The following TMEM232 variants were observed in gnomAD, a reference collection of about 807,000 sequenced individuals.
The protein encoded by TMEM232 is transmembrane protein 232.
TMEM232 carries 80 observed loss-of-function variants against 78.8 expected under a neutral mutation model. The observed-to-expected ratio is 1.01, with a 90% confidence interval of 0.85 to 1.22. TMEM232 has a LOEUF of 1.22. Among genes scored for constraint, TMEM232 ranks in the 50% most tolerant of loss-of-function variants. The pLI, the probability that TMEM232 is intolerant of heterozygous loss-of-function variation, is 0.00. For synonymous variants in TMEM232, 297 were observed against 254.3 expected (o/e 1.17, Z -1.60); for missense variants, 881 against 742.2 (o/e 1.19, Z -2.17).
chr5:110,446,103 T>A (rs1759617616), intron 12 of TMEM232, among the ~76,000 whole-genome samples: 1 of 152,126 alleles, frequency 6.6e-6, no homozygotes, highest in Non-Finnish European at 1.5e-5. Context: ...CTCTCTAATG[T>A]CAGTATCTAT....
At chr5:110,495,542 C>A (rs981472208) in intron 12 of TMEM232, among the ~76,000 whole-genome samples, 1 of 151,800 alleles carries the variant, frequency 6.6e-6, no homozygotes, top group African/African-American at 2.4e-5. Flanking sequence ...CCCAAATGTC[C>A]TATTTTGTAC....
chr5:110,682,127 A>G (rs1482772669), intron 1 of TMEM232, among the ~76,000 whole-genome samples: 1 of 152,200 alleles, frequency 6.6e-6, no homozygotes, highest in Non-Finnish European at 1.5e-5. Flanking sequence ...CTTTTACATC[A>G]CTGTCAAGAA....
intron 3 of TMEM232, chr5:110,390,700 T>C (rs1755142311): frequency 6.6e-6 from 1 of 152,204 alleles, no homozygotes; most frequent in Admixed American, 6.5e-5. Context: ...TGCTTTTGTA[T>C]AACATGAACA....
At chr5:110,426,660 A>G (rs2112648773) in intron 12 of TMEM232, among the ~76,000 whole-genome samples, 1 of 152,166 alleles carries the variant, frequency 6.6e-6, no homozygotes, top group African/African-American at 2.4e-5. Context: ...ATTCAGAAAC[A>G]TTGTGTGGGA....
At chr5:110,680,064 T>C (rs1792524747) in intron 1 of TMEM232, among the ~76,000 whole-genome samples, 1 of 152,012 alleles carries the variant, frequency 6.6e-6, no homozygotes. Flanking sequence ...CAGGAATGTG[T>C]GTTTGTCCTG....
At chr5:110,611,891 T>C (rs1341393522) in intron 8 of TMEM232, among the ~76,000 whole-genome samples, 1 of 152,114 alleles carries the variant, frequency 6.6e-6, no homozygotes, top group African/African-American at 2.4e-5. Flanking sequence ...GTGTAATTAA[T>C]GTACATACAA....
chr5:110,602,778 C>A (rs948056854), intron 10 of TMEM232, among the ~76,000 whole-genome samples: 2 of 152,118 alleles, frequency 1.3e-5, no homozygotes, highest in African/African-American at 4.8e-5. Context: ...TTTGACCCAG[C>A]AATTACATTA....
At chr5:110,438,415 C>A (rs535562139) in intron 12 of TMEM232, among the ~76,000 whole-genome samples, 2 of 151,818 alleles carry the variant, frequency 1.3e-5, no homozygotes, top group African/African-American at 4.8e-5. Context: ...AATTACCTCT[C>A]CATTCTCATG....
intron 11 of TMEM232, among the ~76,000 whole-genome samples, chr5:110,563,548 G>A (rs958933830): frequency 2.0e-5 from 3 of 151,814 alleles, no homozygotes; most frequent in African/African-American, 7.3e-5. Flanking sequence ...ATAAGGTTGG[G>A]TGAGGTGACT....
chr5:110,586,383 G>A (rs1778819830), intron 10 of TMEM232, among the ~76,000 whole-genome samples: 1 of 151,786 alleles, frequency 6.6e-6, no homozygotes, highest in African/African-American at 2.4e-5. Flanking sequence ...TTTTCTCCTA[G>A]TTATTTTAAA....
At chr5:110,501,900 G>A (rs1400440687) in intron 12 of TMEM232, among the ~76,000 whole-genome samples, 2 of 152,128 alleles carry the variant, frequency 1.3e-5, no homozygotes, top group Admixed American at 1.3e-4. Flanking sequence ...ATCTTGTAGG[G>A]AAGTGAAATG....
At chr5:110,730,720 T>C (rs975392023), upstream of TMEM232, among the ~76,000 whole-genome samples, 3 of 152,158 alleles carry the variant, frequency 2.0e-5, no homozygotes, top group African/African-American at 7.2e-5. Flanking sequence ...CAGGAAAGAC[T>C]GGCCCCCATG....
At chr5:110,652,570 A>T (rs1329547892) in intron 2 of TMEM232, among the ~76,000 whole-genome samples, 1 of 152,188 alleles carries the variant, frequency 6.6e-6, no homozygotes, top group Non-Finnish European at 1.5e-5. Context: ...ATGGAAAGCT[A>T]ATTATTTTTA....
intron 12 of TMEM232, among the ~76,000 whole-genome samples, chr5:110,512,479 T>C (rs768027102): frequency 1.3e-4 from 20 of 152,082 alleles, no homozygotes; most frequent in Non-Finnish European, 2.8e-4. Context: ...ATTCAATTAA[T>C]GCTTACTGAA....
intron 12 of TMEM232, among the ~76,000 whole-genome samples, chr5:110,521,517 A>C (rs928914428): frequency 6.6e-6 from 1 of 152,178 alleles, no homozygotes; most frequent in Admixed American, 6.5e-5. Context: ...CATATTCAAG[A>C]AAACATTGTA....
intron 12 of TMEM232, among the ~76,000 whole-genome samples, chr5:110,524,395 GAAAGAAAGAAAGAAAGAAAGA>G (rs763391134): frequency 0.019 from 1,542 of 82,192 alleles, 14 homozygotes; most frequent in East Asian, 0.057. Flanking sequence ...AAGAAAGAAA[GAAAGAAAGAAAGAAAGAAAGA>G]AAAGAAAAGA....
At chr5:110,472,808 A>C (rs1037057498) in intron 12 of TMEM232, among the ~76,000 whole-genome samples, 2 of 151,948 alleles carry the variant, frequency 1.3e-5, no homozygotes, top group African/African-American at 4.8e-5. Context: ...AACGGGCCAA[A>C]AACTCATACT....
At chr5:110,717,848 A>C (rs1797179656) in intron 1 of TMEM232, among the ~76,000 whole-genome samples, 1 of 152,092 alleles carries the variant, frequency 6.6e-6, no homozygotes, top group Non-Finnish European at 1.5e-5. Context: ...CCACAACTGC[A>C]TGTTTCCTGA....
chr5:110,611,963 G>C (rs1782347254), intron 8 of TMEM232, among the ~76,000 whole-genome samples: 1 of 152,112 alleles, frequency 6.6e-6, no homozygotes, highest in South Asian at 2.1e-4. Context: ...GTCTGATTTG[G>C]TTAGCTGGAG....
Sources: gnomAD v4.1 joint callset for allele counts (sites outside exome capture counted in the v4.1 genomes callset) on GRCh38, gnomAD v4.1.1 for gene constraint, MANE v1.5 for transcripts, NCBI Gene and HGNC (gene_info 2026-07-23, HGNC 2026-07-21) for gene names.